Variants in CNTNAP2 observed in about 807,000 individuals in gnomAD.
CNTNAP2 encodes the protein contactin-associated protein-like 2.
In CNTNAP2, 98 loss-of-function variants were observed where a neutral mutation model predicts 155.2. That is an observed-to-expected ratio of 0.63 (90% CI 0.54 to 0.75). The LOEUF (loss-of-function observed/expected upper bound fraction) is 0.75, where lower values mean the gene tolerates loss of function less well. Ranked by LOEUF, CNTNAP2 falls within the 30% of genes least tolerant of loss-of-function variation. The probability of loss-of-function intolerance (pLI) is 0.00; values close to 1 mark genes in which losing one functional copy is unlikely to be tolerated. For missense variants in CNTNAP2, 1,727 were observed against 1,688.1 expected, an observed-to-expected ratio of 1.02 and a Z score of -0.40; for synonymous variants, 651 against 631.2, an observed-to-expected ratio of 1.03 and a Z score of -0.47.
chr7:147,328,506 C>G lies in CNTNAP2; in HGVS notation c.1498+28216C>G, dbSNP rs946410629. Among the ~76,000 whole-genome samples, 16 of 152,112 alleles carry G rather than the reference C, an allele frequency of 1.1e-4. 1 individual carries two copies. The highest frequency in any genetic ancestry group is 1.0e-3 in the Admixed American group (16 of 15,266). ...TGTGCAAGGACTGGGACGACTGAAT[C>G]GACTATTTAGAGGGCCGAGGCCAGA... On this transcript the variant is annotated intron_variant, in intron 9 of 23. Transcript: ENST00000361727.
intron 1 of CNTNAP2, among the ~76,000 whole-genome samples, chr7:146,227,122 G>A (rs937232309): frequency 2.6e-5 from 4 of 151,992 alleles, no homozygotes; most frequent in African/African-American, 9.7e-5. Flanking sequence ...GGAATGATGA[G>A]AGAATAGAAA....
chr7:147,809,582 A>G (rs1321803367), intron 13 of CNTNAP2, among the ~76,000 whole-genome samples: 1 of 152,164 alleles, frequency 6.6e-6, no homozygotes, highest in African/African-American at 2.4e-5. Flanking sequence ...GTAAAATACA[A>G]TCTGCTGTTT....
rs144007733 is a variant in CNTNAP2, at chr7:147,338,062, A to G, written c.1498+37772A>G. Among the ~76,000 whole-genome samples, 228 of 152,268 alleles carry G rather than the reference A, an allele frequency of 1.5e-3. 3 individuals carry two copies. The highest frequency in any genetic ancestry group is 5.3e-3 in the African/African-American group (222 of 41,550). ...GTTAGTTCTCACATTGTTATAAGGA[A>G]ATACCTGAGACTGGGTAATTTATAA... is the stretch of plus-strand genomic sequence containing the variant. On this transcript the variant is annotated intron_variant, in intron 9 of 23. Coordinates refer to ENST00000361727, the MANE Select transcript of CNTNAP2 (RefSeq NM_014141.6).
In CNTNAP2 at chr7:147,717,876, G is replaced by A. The variant is rs149004785; in HGVS notation, c.2098+78570G>A. Among the ~76,000 whole-genome samples the A allele has an allele frequency of 3.6e-4, 55 of 151,872 alleles. 1 individual carries two copies. Among genetic ancestry groups the A allele is most frequent in the Middle Eastern group, 3.4e-3 (1 of 292 alleles). On this transcript the variant is annotated intron_variant, in intron 13 of 23. Coordinates refer to ENST00000361727, the MANE Select transcript of CNTNAP2 (RefSeq NM_014141.6). ...AGCCTGGGCAACAGAGTGAAAACCC[G>A]TCTCAAATACATAAATACATAGCAA... is the stretch of plus-strand genomic sequence containing the variant.
chr7:146,450,000 T>C (rs2129122018), intron 1 of CNTNAP2, among the ~76,000 whole-genome samples: 1 of 152,312 alleles, frequency 6.6e-6, no homozygotes, highest in South Asian at 2.1e-4. Context: ...AACACAATTT[T>C]AATGTCATTC....
intron 13 of CNTNAP2, 78 bp from the exon 14 acceptor site, chr7:147,903,487 G>C (rs887602168): frequency 1.4e-6 from 2 of 1,461,390 alleles, no homozygotes; most frequent in Non-Finnish European, 1.9e-6. Context: ...AGTATTCCTG[G>C]GGAAGTGGGT....
At chr7:147,816,304 A>T (rs1158530098) in intron 13 of CNTNAP2, among the ~76,000 whole-genome samples, 1 of 152,134 alleles carries the variant, frequency 6.6e-6, no homozygotes, top group Non-Finnish European at 1.5e-5. Flanking sequence ...CATTCTGAGG[A>T]TGGGGGATGG....
At chr7:146,671,547 G>T (rs1800306527) in intron 1 of CNTNAP2, among the ~76,000 whole-genome samples, 1 of 151,888 alleles carries the variant, frequency 6.6e-6, no homozygotes, top group South Asian at 2.1e-4. Flanking sequence ...CACTAGTTAC[G>T]CAGAGAATGA....
At position 146,246,229 on chromosome 7, in the gene CNTNAP2, G is replaced by T. The variant is rs544685541; in HGVS notation, c.97+129256G>T. Among the ~76,000 whole-genome samples the T allele has an allele frequency of 6.6e-5, 10 of 150,736 alleles. No homozygotes were observed. The South Asian group carries it at 2.1e-3, about 32-fold the overall frequency. On this transcript the variant is annotated intron_variant, in intron 1 of 23. Transcript: ENST00000361727. ...GAGTAGAAGTATCTTATACTTGTGG[G>T]TTAAGGTGGGGTAATACAAGAGGAG...
chr7:146,390,972 C>CAAAAATACA (rs1447916291), intron 1 of CNTNAP2, among the ~76,000 whole-genome samples: 3 of 148,988 alleles, frequency 2.0e-5, no homozygotes, highest in South Asian at 2.1e-4. Context: ...GAGGCTGAGG[C>CAAAAATACA]AGGAGAATTG....
At chr7:147,876,131 T>G (rs1179018251) in intron 13 of CNTNAP2, among the ~76,000 whole-genome samples, 2 of 152,214 alleles carry the variant, frequency 1.3e-5, no homozygotes, top group Admixed American at 6.5e-5. Flanking sequence ...AAGAGAACAC[T>G]CTGCCCCGTG....
At chr7:147,176,146 A>G (rs1269476940) in intron 8 of CNTNAP2, among the ~76,000 whole-genome samples, 1 of 152,168 alleles carries the variant, frequency 6.6e-6, no homozygotes, top group Non-Finnish European at 1.5e-5. Context: ...ATTCGGTTTA[A>G]TGAGGACCTT....
intron 1 of CNTNAP2, among the ~76,000 whole-genome samples, chr7:146,478,787 G>A (rs1796917417): frequency 6.6e-6 from 1 of 152,026 alleles, no homozygotes; most frequent in African/African-American, 2.4e-5. Flanking sequence ...AGAGACATGT[G>A]AAAAGTGAAA....
intron 13 of CNTNAP2, chr7:147,672,044 G>A (rs1288455449): frequency 6.6e-6 from 1 of 151,952 alleles, no homozygotes; most frequent in Admixed American, 6.6e-5. Flanking sequence ...ATGGTCAAGA[G>A]ACTAAAAAAA....
At chr7:146,277,436 A>G (rs543156790) in intron 1 of CNTNAP2, among the ~76,000 whole-genome samples, 11 of 152,320 alleles carry the variant, frequency 7.2e-5, no homozygotes, top group African/African-American at 2.6e-4. Flanking sequence ...GCTTTGCAGT[A>G]GGGAAATAAC....
intron 3 of CNTNAP2, among the ~76,000 whole-genome samples, chr7:147,013,795 A>G (rs1304819476): frequency 6.6e-6 from 1 of 152,130 alleles, no homozygotes; most frequent in Non-Finnish European, 1.5e-5. Flanking sequence ...TGAAAGAGGA[A>G]TCCTGTCTTA....
At chr7:146,676,031 T>C (rs1442102665) in intron 1 of CNTNAP2, among the ~76,000 whole-genome samples, 2 of 152,194 alleles carry the variant, frequency 1.3e-5, no homozygotes, top group Admixed American at 6.6e-5. Context: ...TTCTTTTGGA[T>C]ATAAATTTGC....
chr7:147,577,640 T>G (rs1800419831), intron 12 of CNTNAP2, among the ~76,000 whole-genome samples: 1 of 151,990 alleles, frequency 6.6e-6, no homozygotes, highest in African/African-American at 2.4e-5. Context: ...TTAACTGCTC[T>G]GTCTTTTGCT....
At chr7:147,494,921 C>T (rs1181610619) in intron 11 of CNTNAP2, among the ~76,000 whole-genome samples, 1 of 152,080 alleles carries the variant, frequency 6.6e-6, no homozygotes, top group Non-Finnish European at 1.5e-5. Context: ...TATGACAAGT[C>T]TTTAGCTTTT....
Sources: allele counts gnomAD v4.1 joint callset (sites outside exome capture counted in the v4.1 genomes callset), GRCh38; gene constraint gnomAD v4.1.1; transcripts MANE v1.5; gene names NCBI Gene and HGNC (gene_info 2026-07-23, HGNC 2026-07-21).